PTPRD: variants seen among roughly 807,000 people sequenced by gnomAD.
The protein encoded by PTPRD is protein tyrosine phosphatase receptor type D, also known as receptor-type tyrosine-protein phosphatase delta.
Under a neutral mutation model 214.5 loss-of-function variants are expected in PTPRD, and 34 were observed. The observed-to-expected ratio is 0.16, with a 90% CI of 0.12 to 0.21. The LOEUF is 0.21. Ranked by LOEUF, PTPRD falls within the 10% of genes least tolerant of loss-of-function variation. The probability of loss-of-function intolerance (pLI) is 1.00; values close to 1 mark genes in which losing one functional copy is unlikely to be tolerated. For missense variants in PTPRD, 2,545 were observed against 2,398.7 expected, an observed-to-expected ratio of 1.06 and a Z score of -1.27; for synonymous variants, 1,128 against 845.7, an observed-to-expected ratio of 1.33 and a Z score of -5.79.
intron 3 of PTPRD, among the ~76,000 whole-genome samples, chr9:10,163,269 C>A (rs2099140056): frequency 6.6e-6 from 1 of 151,162 alleles, no homozygotes; most frequent in Non-Finnish European, 1.5e-5. Context: ...TTCCTGGACC[C>A]TAAATCCACC....
At chr9:10,445,645 G>A (rs2098793501) in intron 2 of PTPRD, among the ~76,000 whole-genome samples, 1 of 152,114 alleles carries the variant, frequency 6.6e-6, no homozygotes, top group African/African-American at 2.4e-5. Flanking sequence ...CATTAAGATA[G>A]AGTGAGTCAG....
intron 9 of PTPRD, among the ~76,000 whole-genome samples, chr9:9,375,092 C>A (rs192403173): frequency 6.6e-6 from 1 of 151,930 alleles, no homozygotes; most frequent in Admixed American, 6.6e-5. Flanking sequence ...TGTGTATGTG[C>A]GTGTGTGTGT....
chr9:10,123,783 CAG>C (rs1246327532), intron 3 of PTPRD, among the ~76,000 whole-genome samples: 3 of 152,132 alleles, frequency 2.0e-5, no homozygotes, highest in Non-Finnish European at 4.4e-5. Context: ...GCATTATTGC[CAG>C]TACTGTGTTT....
chr9:9,961,211 C>T (rs1212300085), intron 4 of PTPRD, among the ~76,000 whole-genome samples: 2 of 152,022 alleles, frequency 1.3e-5, no homozygotes, highest in South Asian at 4.2e-4. Context: ...CATACTCTTT[C>T]CTTTCAAGAA....
At chr9:8,872,407 TTGAG>T (rs1027088755) in intron 11 of PTPRD, among the ~76,000 whole-genome samples, 20 of 152,220 alleles carry the variant, frequency 1.3e-4, no homozygotes, top group African/African-American at 4.8e-4. Flanking sequence ...TCTCACATGA[TTGAG>T]TATTTTTTTG....
rs1331223975 is a variant in PTPRD at position 8,316,285 on chromosome 9, T to A, written c.*1589A>T. ...GAAAGTAACAGATACGAACAGTGAA[T>A]GGAAATACGAACCAAAAGCTAAAAA... On this transcript the variant is annotated 3_prime_UTR_variant, in exon 46 of 46. Transcript: ENST00000381196. 1 of 230,684 alleles carries A rather than the reference T, an allele frequency of 4.3e-6. No homozygotes were observed. Among genetic ancestry groups the A allele is most frequent in the African/African-American group, 2.2e-5 (1 of 45,124 alleles). The allele number at this position is 230,684 out of a possible 1,614,324, so 14.3% of individuals were successfully genotyped here.
chr9:10,533,550 G>A (rs1231607773), intron 2 of PTPRD, among the ~76,000 whole-genome samples: 1 of 151,114 alleles, frequency 6.6e-6, no homozygotes. Flanking sequence ...TTTCAGTAAT[G>A]TATTAAAGAG....
chr9:10,429,438 G>T (rs189594440), intron 2 of PTPRD, among the ~76,000 whole-genome samples: 4 of 151,810 alleles, frequency 2.6e-5, no homozygotes, highest in African/African-American at 4.8e-5. Flanking sequence ...CAACCTAAGG[G>T]TCTATCAACG....
chr9:8,814,789 G>C (rs1173157994), intron 11 of PTPRD, among the ~76,000 whole-genome samples: 2 of 152,196 alleles, frequency 1.3e-5, no homozygotes, highest in East Asian at 3.8e-4. Context: ...ACTAGTATGA[G>C]ATAGACAAAG....
chr9:10,394,957 C>CTTTTTTTT (rs34786789), intron 2 of PTPRD, among the ~76,000 whole-genome samples: 22 of 133,186 alleles, frequency 1.7e-4, no homozygotes, highest in South Asian at 4.8e-4. Context: ...TTTTCTTTTT[C>CTTTTTTTT]TTTTTTTTTT....
intron 7 of PTPRD, among the ~76,000 whole-genome samples, chr9:9,582,833 A>T (rs2091124587): frequency 1.3e-5 from 2 of 152,046 alleles, no homozygotes; most frequent in Non-Finnish European, 2.9e-5. Context: ...AATAAGAAAA[A>T]ACTATAATCT....
chr9:9,489,347 A>C (rs2095801731), intron 8 of PTPRD, among the ~76,000 whole-genome samples: 1 of 152,176 alleles, frequency 6.6e-6, no homozygotes, highest in South Asian at 2.1e-4. Flanking sequence ...ATTCAATTGC[A>C]AAGCTTTCAA....
intron 6 of PTPRD, among the ~76,000 whole-genome samples, chr9:9,737,094 T>A (rs2154446815): frequency 6.6e-6 from 1 of 152,216 alleles, no homozygotes; most frequent in African/African-American, 2.4e-5. Context: ...ACATTTTGAG[T>A]TGGGGTAAAA....
intron 5 of PTPRD, among the ~76,000 whole-genome samples, chr9:9,784,708 T>G (rs145113343): frequency 2.0e-5 from 3 of 152,026 alleles, no homozygotes; most frequent in Non-Finnish European, 4.4e-5. Context: ...AAATCTGAAG[T>G]GAAGTCCAGT....
rs147561548 is a variant in PTPRD at position 8,473,385 on chromosome 9, A to G, written c.3414-2300T>C. On this transcript the variant is annotated intron_variant, in intron 30 of 45. Coordinates refer to ENST00000381196, the MANE Select transcript of PTPRD (RefSeq NM_002839.4). ...CCCTCTCCTGTCCTCCCACCATCTG[A>G]AGGATTTACCGAACAAGTCCATCAT... is the stretch of plus-strand genomic sequence containing the variant. 2.9e-3 allele frequency among the ~76,000 whole-genome samples: 444 copies of G among 152,240 alleles called. 2 individuals carry two copies. Among genetic ancestry groups the G allele is most frequent in the African/African-American group, 0.01 (418 of 41,544 alleles).
intron 11 of PTPRD, among the ~76,000 whole-genome samples, chr9:8,968,453 G>T (rs1343963854): frequency 2.0e-5 from 3 of 151,658 alleles, no homozygotes; most frequent in African/African-American, 7.3e-5. Flanking sequence ...CGTTCTAACT[G>T]GTGTGAGATG....
Position 9,852,444 on chromosome 9 carries a change from G to GA in PTPRD, c.-367-85594dup, listed in dbSNP as rs201761779. On this transcript the variant is annotated intron_variant, in intron 5 of 45. Transcript: ENST00000381196. ...AAAAACTATTAGATATGGAGATTAA[G>GA]AAAAAAAAGAATAAAAGTCATTTTT... Among the ~76,000 whole-genome samples, 60 of 151,044 alleles carry GA rather than the reference G, an allele frequency of 4.0e-4. 1 individual carries two copies. The East Asian group carries it at 0.01, about 26-fold the overall frequency.
intron 10 of PTPRD, among the ~76,000 whole-genome samples, chr9:9,086,558 T>C (rs1569536017): frequency 6.6e-6 from 1 of 152,286 alleles, no homozygotes; most frequent in East Asian, 1.9e-4. Flanking sequence ...TTGGCTGCCT[T>C]TTCAATCATT....
intron 44 of PTPRD, among the ~76,000 whole-genome samples, chr9:8,326,475 T>C (rs1833887737): frequency 6.8e-6 from 1 of 147,098 alleles, no homozygotes; most frequent in Non-Finnish European, 1.5e-5. Flanking sequence ...GGTTTGCCAG[T>C]ATTTTATTGA....
Sources: gnomAD v4.1 joint callset for allele counts (sites outside exome capture counted in the v4.1 genomes callset) on GRCh38, gnomAD v4.1.1 for gene constraint, MANE v1.5 for transcripts, NCBI Gene and HGNC (gene_info 2026-07-23, HGNC 2026-07-21) for gene names.